CDH18: variants seen among roughly 807,000 people sequenced by gnomAD.
CDH18 encodes the protein cadherin 18.
In CDH18, 31 loss-of-function variants were observed where a neutral mutation model predicts 67.9. The observed-to-expected ratio is 0.46, with a 90% CI of 0.34 to 0.62. The LOEUF is 0.62. Ranked by LOEUF, CDH18 falls within the 20% of genes least tolerant of loss-of-function variation. The pLI, the probability that CDH18 is intolerant of heterozygous loss-of-function variation, is 0.01. For missense variants in CDH18, 890 were observed against 975.5 expected, an observed-to-expected ratio of 0.91 and a Z score of 1.17; for synonymous variants, 362 against 347.2, an observed-to-expected ratio of 1.04 and a Z score of -0.48.
chr5:20,415,118 G>T (rs1418514596), intron 1 of CDH18, among the ~76,000 whole-genome samples: 1 of 152,160 alleles, frequency 6.6e-6, no homozygotes, highest in Admixed American at 6.5e-5. Context: ...AGGAGGGGTG[G>T]CTCACGCCTG....
intron 3 of CDH18, among the ~76,000 whole-genome samples, chr5:19,836,632 G>C (rs1031449384): frequency 6.6e-5 from 10 of 152,126 alleles, no homozygotes; most frequent in Admixed American, 6.6e-4. Flanking sequence ...TGTTCACTCT[G>C]ATGATAGCTT....
intron 2 of CDH18, among the ~76,000 whole-genome samples, chr5:20,148,727 T>C (rs576838171): frequency 1.9e-4 from 29 of 151,134 alleles, no homozygotes; most frequent in African/African-American, 7.2e-4. Flanking sequence ...CCTTTACTCA[T>C]ATAACAGTAT....
At chr5:19,596,001 G>T (rs1158559354) in intron 6 of CDH18, among the ~76,000 whole-genome samples, 4 of 152,120 alleles carry the variant, frequency 2.6e-5, no homozygotes, top group African/African-American at 4.8e-5. Context: ...CTGTGAATTG[G>T]CATGGGAAAA....
At chr5:20,233,244 G>C (rs934637767) in intron 2 of CDH18, among the ~76,000 whole-genome samples, 1 of 150,812 alleles carries the variant, frequency 6.6e-6, no homozygotes. Context: ...CTATATATTA[G>C]TGAAAAACAT....
intron 2 of CDH18, among the ~76,000 whole-genome samples, chr5:20,198,060 G>A (rs1739129793): frequency 6.6e-6 from 1 of 152,096 alleles, no homozygotes; most frequent in South Asian, 2.1e-4. Context: ...CACCCTGATT[G>A]TAAGTTTCCT....
intron 3 of CDH18, among the ~76,000 whole-genome samples, chr5:19,837,922 A>G (rs991728586): frequency 6.6e-6 from 1 of 152,102 alleles, no homozygotes; most frequent in African/African-American, 2.4e-5. Flanking sequence ...CCAGTAATTA[A>G]TCAGAAGAAG....
rs73762473 is a variant in CDH18 at position 19,973,363 on chromosome 5, G to A, written c.-257+7697C>T. ...TAATATTCCATTTTGTAAGAGTGGT[G>A]GTTACCTGTGTATGGTATTCACTTG... On this transcript the variant is annotated intron_variant, in intron 2 of 12. Transcript: ENST00000382275. 1.7e-3 allele frequency among the ~76,000 whole-genome samples: 255 copies of A among 152,146 alleles called. 2 individuals are homozygous for A. The highest frequency in any genetic ancestry group is 5.9e-3 in the African/African-American group (247 of 41,520).
chr5:19,853,341 G>A (rs1783919281), intron 2 of CDH18, among the ~76,000 whole-genome samples: 2 of 152,074 alleles, frequency 1.3e-5, no homozygotes, highest in African/African-American at 4.8e-5. Flanking sequence ...AGAGCAGACT[G>A]ATCTTATGAC....
In CDH18 at chr5:19,734,088, AC is replaced by A; in HGVS notation, c.524-12623del. On this transcript the variant is annotated intron_variant, in intron 4 of 12. Transcript: ENST00000382275. ...TGTTTAATGAATGCAACAAAATTTC[AC>A]AGTGTTCTCTGCAGTTAATCATTAT... Among the ~76,000 whole-genome samples, 3 of 152,296 alleles carry A rather than the reference AC, an allele frequency of 2.0e-5. No homozygotes were observed. The Middle Eastern group carries it at 0.01, about 518-fold the overall frequency.
At chr5:19,597,671 T>C (rs192254456) in intron 6 of CDH18, among the ~76,000 whole-genome samples, 202 of 152,274 alleles carry the variant, frequency 1.3e-3, no homozygotes, top group Non-Finnish European at 2.5e-3. Flanking sequence ...AATGTTTTGG[T>C]GTATTTGCTT....
chr5:20,178,443 C>A (rs544572190), intron 2 of CDH18, among the ~76,000 whole-genome samples: 20 of 151,504 alleles, frequency 1.3e-4, no homozygotes, highest in Non-Finnish European at 2.4e-4. Flanking sequence ...ACAATATTTT[C>A]CTTTCCACTG....
chr5:20,098,760 T>C (rs1746202735), intron 2 of CDH18, among the ~76,000 whole-genome samples: 1 of 152,114 alleles, frequency 6.6e-6, no homozygotes, highest in African/African-American at 2.4e-5. Flanking sequence ...TATTTTAATG[T>C]TAAAGATTAT....
At chr5:19,942,812 C>T (rs998685017) in intron 2 of CDH18, among the ~76,000 whole-genome samples, 1 of 152,142 alleles carries the variant, frequency 6.6e-6, no homozygotes, top group African/African-American at 2.4e-5. Flanking sequence ...AGGAGCATAG[C>T]CCCTGTCAAG....
chr5:20,560,857 C>T (rs1246413737), intron 1 of CDH18, among the ~76,000 whole-genome samples: 1 of 151,884 alleles, frequency 6.6e-6, no homozygotes, highest in Non-Finnish European at 1.5e-5. Flanking sequence ...AAAATATTTT[C>T]AAAAGACATA....
At chr5:20,201,310 A>C (rs1251562258) in intron 2 of CDH18, among the ~76,000 whole-genome samples, 1 of 152,248 alleles carries the variant, frequency 6.6e-6, no homozygotes, top group African/African-American at 2.4e-5. Context: ...ACATTCTGAT[A>C]AAGTCACCTT....
chr5:19,788,321 G>T (rs1213547928), intron 3 of CDH18, among the ~76,000 whole-genome samples: 1 of 152,162 alleles, frequency 6.6e-6, no homozygotes, highest in East Asian at 1.9e-4. Context: ...TCATGCAAAA[G>T]ATTTGTTGAC....
chr5:19,686,379 A>T (rs143962323), intron 5 of CDH18, among the ~76,000 whole-genome samples: 14 of 152,266 alleles, frequency 9.2e-5, no homozygotes, highest in African/African-American at 3.4e-4. Context: ...TTTTTATGTG[A>T]TAGTAGGTTT....
intron 2 of CDH18, among the ~76,000 whole-genome samples, chr5:19,949,926 C>T (rs772457006): frequency 6.6e-5 from 10 of 151,628 alleles, no homozygotes; most frequent in Non-Finnish European, 1.5e-4. Flanking sequence ...TGCAAAAATA[C>T]GGAACCAGCC....
At chr5:20,045,202 T>C (rs1222690865) in intron 2 of CDH18, among the ~76,000 whole-genome samples, 2 of 152,200 alleles carry the variant, frequency 1.3e-5, no homozygotes, top group Non-Finnish European at 2.9e-5. Flanking sequence ...AAGAATAGCC[T>C]TAATAAAACA....
Sources: gnomAD v4.1 joint callset for allele counts (sites outside exome capture counted in the v4.1 genomes callset) on GRCh38, gnomAD v4.1.1 for gene constraint, MANE v1.5 for transcripts, NCBI Gene and HGNC (gene_info 2026-07-23, HGNC 2026-07-21) for gene names.